Variants in DPP10 observed in about 807,000 individuals in gnomAD.
DPP10 encodes the protein dipeptidyl peptidase like 10.
DPP10 carries 33 observed loss-of-function variants against 120.9 expected under a neutral mutation model. The observed-to-expected ratio is 0.27, with a 90% CI of 0.21 to 0.37. DPP10 has a LOEUF of 0.37. Ranked by LOEUF, DPP10 falls within the 10% of genes least tolerant of loss-of-function variation. DPP10 has a pLI of 1.00. For synonymous variants in DPP10, 337 were observed against 326.1 expected, an observed-to-expected ratio of 1.03 and a Z score of -0.36; for missense variants, 816 against 942.8, an observed-to-expected ratio of 0.87 and a Z score of 1.76.
At chr2:114,918,445 G>A (rs529757258) in intron 1 of DPP10, among the ~76,000 whole-genome samples, 1 of 152,226 alleles carries the variant, frequency 6.6e-6, no homozygotes, top group South Asian at 2.1e-4. Context: ...TCATTACTGG[G>A]TACTTACCCA....
chr2:115,297,023 G>A lies in DPP10; in HGVS notation c.61-12216G>A, dbSNP rs1439666096. Among the ~76,000 whole-genome samples, 4 of 152,042 alleles carry A rather than the reference G, an allele frequency of 2.6e-5. No homozygotes were observed. The East Asian group carries it at 5.8e-4, about 22-fold the overall frequency. On this transcript the variant is annotated intron_variant, in intron 1 of 25. Coordinates refer to ENST00000410059, the MANE Select transcript of DPP10 (RefSeq NM_020868.6). ...TTTTAATTCTTCAACTTTGTGAGAT[G>A]TGGTTATAAAACTTAAATTGATATA... is the stretch of plus-strand genomic sequence containing the variant.
intron 1 of DPP10, among the ~76,000 whole-genome samples, chr2:115,205,949 G>C (rs1299861754): frequency 6.6e-6 from 1 of 152,056 alleles, no homozygotes; most frequent in Non-Finnish European, 1.5e-5. Flanking sequence ...TGGGTGATGG[G>C]TTCAATTGTA....
chr2:115,012,521 C>A (rs1190326173), intron 1 of DPP10, among the ~76,000 whole-genome samples: 2 of 152,174 alleles, frequency 1.3e-5, no homozygotes, highest in East Asian at 3.9e-4. Flanking sequence ...TCTTTGCAGA[C>A]ATGCCCCAGT....
chr2:114,789,167 T>TCG (rs11273617), intron 1 of DPP10, among the ~76,000 whole-genome samples: 1 of 151,924 alleles, frequency 6.6e-6, no homozygotes, highest in Non-Finnish European at 1.5e-5. Context: ...GCGCCATCAC[T>TCG]GGGATAGTTT....
At position 114,703,966 on chromosome 2, in the gene DPP10, T is replaced by A. The variant is rs1700534701; in HGVS notation, c.60+261128T>A. ...GGAAATATATGCCCCAAAGAAGGGA[T>A]TTGGGCCTTTTTCCTACTGCCTCCC... On this transcript the variant is annotated intron_variant, in intron 1 of 25. Transcript: ENST00000410059. Among the ~76,000 whole-genome samples, 3 of 151,944 alleles carry A rather than the reference T, an allele frequency of 2.0e-5. No homozygotes were observed. In the South Asian group the frequency reaches 6.2e-4, roughly 32 times the overall value.
chr2:115,012,992 T>C (rs1371202264), intron 1 of DPP10, among the ~76,000 whole-genome samples: 1 of 152,220 alleles, frequency 6.6e-6, no homozygotes, highest in Non-Finnish European at 1.5e-5. Flanking sequence ...TTAGCCTGTT[T>C]ACATTTAAGG....
chr2:115,395,472 G>C (rs1316795533), intron 3 of DPP10, among the ~76,000 whole-genome samples: 1 of 152,156 alleles, frequency 6.6e-6, no homozygotes, highest in African/African-American at 2.4e-5. Context: ...CTCCAAAGAC[G>C]TCAATGCTAA....
At chr2:114,491,857 A>G (rs1682032359) in intron 1 of DPP10, among the ~76,000 whole-genome samples, 1 of 152,224 alleles carries the variant, frequency 6.6e-6, no homozygotes, top group South Asian at 2.1e-4. Context: ...GGATTTTCCT[A>G]AGAACTGATA....
chr2:114,954,525 A>G (rs367678275), intron 1 of DPP10, among the ~76,000 whole-genome samples: 1 of 152,120 alleles, frequency 6.6e-6, no homozygotes, highest in East Asian at 1.9e-4. Context: ...CCAAATAAAC[A>G]ACCTAACATT....
At chr2:114,465,446 T>G (rs775946800) in intron 1 of DPP10, among the ~76,000 whole-genome samples, 1 of 152,178 alleles carries the variant, frequency 6.6e-6, no homozygotes, top group Non-Finnish European at 1.5e-5. Context: ...CCATCTACAC[T>G]GAAAATGGCT....
intron 5 of DPP10, among the ~76,000 whole-genome samples, chr2:115,578,155 T>C (rs1217781384): frequency 6.6e-6 from 1 of 152,196 alleles, no homozygotes; most frequent in Non-Finnish European, 1.5e-5. Context: ...TTTGCTCAAA[T>C]GGCCACTGAA....
intron 7 of DPP10, among the ~76,000 whole-genome samples, chr2:115,698,880 A>C (rs984888753): frequency 1.5e-4 from 23 of 152,160 alleles, no homozygotes; most frequent in Non-Finnish European, 1.6e-4. Context: ...AACTGAAGGT[A>C]CTCAAAAAAG....
chr2:114,591,871 T>C (rs142751297), intron 1 of DPP10, among the ~76,000 whole-genome samples: 155 of 152,240 alleles, frequency 1.0e-3, no homozygotes, highest in African/African-American at 3.6e-3. Context: ...CTATGTTGAC[T>C]TTATACAGCT....
Position 114,800,958 on chromosome 2 carries a change from C to A in DPP10, c.60+358120C>A, listed in dbSNP as rs116389195. On this transcript the variant is annotated intron_variant, in intron 1 of 25. Coordinates refer to ENST00000410059, the MANE Select transcript of DPP10 (RefSeq NM_020868.6). ...GGAATTAAAAAAAAAAAAATCACATCTTTACGAAAGGTACAGAAGAATGGG... is the reference window on the plus strand; with the variant it reads ...GGAATTAAAAAAAAAAAAATCACATATTTACGAAAGGTACAGAAGAATGGG... Among the ~76,000 whole-genome samples, 1,402 of 151,614 alleles carry A rather than the reference C, an allele frequency of 9.2e-3. 27 individuals are homozygous for A. The highest frequency in any genetic ancestry group is 0.032 in the African/African-American group (1,336 of 41,344).
chr2:114,817,601 A>G (rs1685747561), intron 1 of DPP10, among the ~76,000 whole-genome samples: 1 of 152,180 alleles, frequency 6.6e-6, no homozygotes, highest in South Asian at 2.1e-4. Flanking sequence ...AGCTTTCTAT[A>G]CTTCCACCCT....
chr2:115,726,824 C>T (rs562117947), intron 7 of DPP10, among the ~76,000 whole-genome samples: 1 of 152,182 alleles, frequency 6.6e-6, no homozygotes, highest in East Asian at 1.9e-4. Context: ...CTTGGAAGAT[C>T]TTGTGTTTTC....
chr2:115,585,862 T>A (rs1347353583), intron 5 of DPP10, among the ~76,000 whole-genome samples: 1 of 152,246 alleles, frequency 6.6e-6, no homozygotes, highest in Non-Finnish European at 1.5e-5. Flanking sequence ...TTTTTTTGCT[T>A]ATTTTCTATT....
chr2:115,427,026 C>T (rs1574811929), intron 3 of DPP10, among the ~76,000 whole-genome samples: 1 of 152,206 alleles, frequency 6.6e-6, no homozygotes, highest in Admixed American at 6.5e-5. Flanking sequence ...GCTGCAGGCC[C>T]CATGCAAGTT....
At chr2:115,128,872 G>C (rs1298348448) in intron 1 of DPP10, among the ~76,000 whole-genome samples, 2 of 152,136 alleles carry the variant, frequency 1.3e-5, no homozygotes, top group Non-Finnish European at 2.9e-5. Flanking sequence ...TACACGTCGA[G>C]ATCCTTCAAC....
Sources: gnomAD v4.1 joint callset for allele counts (sites outside exome capture counted in the v4.1 genomes callset) on GRCh38, gnomAD v4.1.1 for gene constraint, MANE v1.5 for transcripts, NCBI Gene and HGNC (gene_info 2026-07-23, HGNC 2026-07-21) for gene names.